The following GABRB3 variants were observed in gnomAD, a reference collection of about 807,000 sequenced individuals.
The protein encoded by GABRB3 is gamma-aminobutyric acid type A receptor subunit beta3.
In GABRB3, 14 loss-of-function variants were observed where a neutral mutation model predicts 52.1. The ratio of observed to expected loss-of-function variants is 0.27; its 90% confidence interval spans 0.18 to 0.42. The LOEUF is 0.42. Among genes scored for constraint, GABRB3 ranks in the 10% least tolerant of loss-of-function variants. The pLI is 1.00. For synonymous variants in GABRB3, 260 were observed against 232.3 expected, an observed-to-expected ratio of 1.12 and a Z score of -1.08; for missense variants, 307 against 609.1, an observed-to-expected ratio of 0.50 and a Z score of 5.22.
At chr15:26,680,657 A>C (rs1888211823) in intron 3 of GABRB3, among the ~76,000 whole-genome samples, 1 of 152,226 alleles carries the variant, frequency 6.6e-6, no homozygotes, top group Non-Finnish European at 1.5e-5. Context: ...GGTCAGATTG[A>C]CTGCAGTGTT....
chr15:26,627,520 G>A (rs1721453656), intron 3 of GABRB3, among the ~76,000 whole-genome samples: 1 of 151,694 alleles, frequency 6.6e-6, no homozygotes. Flanking sequence ...TTTATAGGAG[G>A]AGGTCAAAAT....
intron 7 of GABRB3, among the ~76,000 whole-genome samples, chr15:26,563,140 T>TAA: frequency 6.6e-6 from 1 of 152,222 alleles, no homozygotes; most frequent in African/African-American, 2.4e-5. Flanking sequence ...GTCACGACTT[T>TAA]GCCTCTCCTG....
chr15:26,748,967 A>G (rs1890425908), intron 3 of GABRB3, among the ~76,000 whole-genome samples: 1 of 152,056 alleles, frequency 6.6e-6, no homozygotes, highest in African/African-American at 2.4e-5. Flanking sequence ...TGGAGGGTGA[A>G]TGAGCGGAGA....
intron 3 of GABRB3, among the ~76,000 whole-genome samples, chr15:26,720,550 T>A (rs988677322): frequency 6.6e-6 from 1 of 152,184 alleles, no homozygotes; most frequent in African/African-American, 2.4e-5. Context: ...TTTTTAAAAA[T>A]TGGCAACTGT....
intron 3 of GABRB3, among the ~76,000 whole-genome samples, chr15:26,639,962 T>C (rs1893155055): frequency 1.3e-5 from 2 of 152,322 alleles, no homozygotes; most frequent in East Asian, 1.9e-4. Context: ...ATGATTTTCA[T>C]TGTAAAAATC....
rs763579672 is a variant in GABRB3, at chr15:26,772,261, C to T, written c.240+141G>A. On this transcript the variant is annotated intron_variant, in intron 3 of 8. Coordinates refer to ENST00000311550, the MANE Select transcript of GABRB3 (RefSeq NM_000814.6). Reference sequence around the variant, plus strand: ...GGGAGCCGGGCAAGCGAGGGGCCGGCGCCTGGGAGCGCGGCTCCCTCTGCG... The same window carrying T: ...GGGAGCCGGGCAAGCGAGGGGCCGGTGCCTGGGAGCGCGGCTCCCTCTGCG... The T allele has an allele frequency of 1.8e-5, 12 of 683,316 alleles. No homozygotes were observed. The African/African-American group carries it at 1.9e-4, about 11-fold the overall frequency. 42.3% of individuals were successfully genotyped at this position (683,316 alleles called of 1,614,324 possible).
rs56386894 is a variant in GABRB3 at position 26,586,397 on chromosome 15, A to AACACACACACACACACACACACACACAC, written c.462-3011_462-2984dup. Among the ~76,000 whole-genome samples, 12 of 138,084 alleles carry AACACACACACACACACACACACACACAC rather than the reference A, an allele frequency of 8.7e-5. No homozygotes were observed. In the South Asian group the frequency reaches 1.0e-3, roughly 11 times the overall value. 90.6% of individuals were successfully genotyped at this position (138,084 alleles called of 152,430 possible). A position where few individuals can be genotyped will look rare whatever the true frequency, so the allele number is the denominator to read the frequency against. ...CTTATTCACTTTTCAAACCACCCCTAACACACACACACACACACACACACA... is the reference window on the plus strand; with the variant it reads ...CTTATTCACTTTTCAAACCACCCCTAACACACACACACACACACACACACACACACACACACACACACACACACACACA... On this transcript the variant is annotated intron_variant, in intron 4 of 8. Transcript: ENST00000311550.
At chr15:26,689,534 G>T (rs1026337239) in intron 3 of GABRB3, among the ~76,000 whole-genome samples, 15 of 152,134 alleles carry the variant, frequency 9.9e-5, no homozygotes, top group Non-Finnish European at 2.2e-4. Context: ...TACACTTCAT[G>T]CCTCATTACA....
intron 3 of GABRB3, among the ~76,000 whole-genome samples, chr15:26,769,541 G>C (rs1029782367): frequency 4.6e-5 from 7 of 152,086 alleles, no homozygotes; most frequent in Admixed American, 2.0e-4. Context: ...GGTTTGTCTT[G>C]CTTTTCCAAC....
At chr15:26,667,643 G>A (rs754295389) in intron 3 of GABRB3, among the ~76,000 whole-genome samples, 4 of 152,272 alleles carry the variant, frequency 2.6e-5, no homozygotes, top group East Asian at 3.9e-4. Flanking sequence ...ACAATCTAAC[G>A]GTAATTCCTT....
intron 4 of GABRB3, among the ~76,000 whole-genome samples, chr15:26,601,396 C>T (rs777904970): frequency 1.1e-4 from 17 of 150,054 alleles, no homozygotes; most frequent in South Asian, 4.3e-4. Context: ...GGCGACACAG[C>T]GAAACTCCGT....
intron 3 of GABRB3, among the ~76,000 whole-genome samples, chr15:26,753,582 T>C (rs971605979): frequency 3.3e-5 from 5 of 152,094 alleles, no homozygotes; most frequent in South Asian, 4.2e-4. Flanking sequence ...AAATACATGG[T>C]GGGAGGTGGT....
intron 3 of GABRB3, among the ~76,000 whole-genome samples, chr15:26,689,832 A>C (rs886445809): frequency 3.3e-5 from 5 of 152,062 alleles, no homozygotes; most frequent in African/African-American, 1.2e-4. Context: ...TTTAATTCTT[A>C]AGAAAGAAGC....
chr15:26,560,621 G>C (rs1026811891), intron 8 of GABRB3, among the ~76,000 whole-genome samples: 7 of 152,154 alleles, frequency 4.6e-5, no homozygotes, highest in Admixed American at 3.3e-4. Flanking sequence ...CAGGGTCAAT[G>C]TGCACGGAAA....
chr15:26,769,450 T>C (rs1454322225), intron 3 of GABRB3, among the ~76,000 whole-genome samples: 2 of 152,172 alleles, frequency 1.3e-5, no homozygotes, highest in Non-Finnish European at 2.9e-5. Flanking sequence ...CTTTAAAACC[T>C]TTACCATTTA....
intron 3 of GABRB3, among the ~76,000 whole-genome samples, chr15:26,663,553 T>C (rs1887613886): frequency 6.6e-6 from 1 of 152,238 alleles, no homozygotes; most frequent in Non-Finnish European, 1.5e-5. Context: ...GCCTGCATAA[T>C]ACATCTTTTT....
chr15:26,726,439 T>A (rs1889773224), intron 3 of GABRB3, among the ~76,000 whole-genome samples: 1 of 152,220 alleles, frequency 6.6e-6, no homozygotes, highest in Non-Finnish European at 1.5e-5. Flanking sequence ...AGTTCCACGT[T>A]AGTTCCTTTC....
chr15:26,641,450 C>T (rs573461419), intron 3 of GABRB3, among the ~76,000 whole-genome samples: 53 of 152,330 alleles, frequency 3.5e-4, no homozygotes, highest in African/African-American at 1.2e-3. Flanking sequence ...AATTGACTGG[C>T]ATAGCTGAGG....
chr15:26,656,387 C>T (rs1182316930), intron 3 of GABRB3, among the ~76,000 whole-genome samples: 3 of 152,254 alleles, frequency 2.0e-5, no homozygotes, highest in Non-Finnish European at 2.9e-5. Context: ...GTCTCTCAGA[C>T]AACCTGAGGG....
Sources: allele counts gnomAD v4.1 joint callset (sites outside exome capture counted in the v4.1 genomes callset), GRCh38; gene constraint gnomAD v4.1.1; transcripts MANE v1.5; gene names NCBI Gene and HGNC (gene_info 2026-07-23, HGNC 2026-07-21).